The following CPXM2 variants were observed in gnomAD, a reference collection of about 807,000 sequenced individuals.
CPXM2 encodes inactive carboxypeptidase-like protein X2.
CPXM2 carries 66 observed loss-of-function variants against 86.1 expected under a neutral mutation model. That is an observed-to-expected ratio of 0.77 (90% CI 0.63 to 0.94). CPXM2 has a LOEUF of 0.94. Among genes scored for constraint, CPXM2 ranks in the 40% least tolerant of loss-of-function variants. The probability of loss-of-function intolerance (pLI) is 0.00; values close to 1 mark genes in which losing one functional copy is unlikely to be tolerated. For synonymous variants in CPXM2, 388 were observed against 400.2 expected, an observed-to-expected ratio of 0.97 and a Z score of 0.36; for missense variants, 948 against 1,026.3, an observed-to-expected ratio of 0.92 and a Z score of 1.04.
At chr10:123,807,758 T>C (rs1847611000) in intron 4 of CPXM2, among the ~76,000 whole-genome samples, 1 of 152,182 alleles carries the variant, frequency 6.6e-6, no homozygotes, top group Non-Finnish European at 1.5e-5. Context: ...GGCAAATCCA[T>C]TGTTATTAAA....
At chr10:123,761,597 G>C (rs550398722) in intron 11 of CPXM2, among the ~76,000 whole-genome samples, 1 of 152,346 alleles carries the variant, frequency 6.6e-6, no homozygotes, top group African/African-American at 2.4e-5. Flanking sequence ...CACGGAGTCA[G>C]AGACCCCAGC....
intron 2 of CPXM2, among the ~76,000 whole-genome samples, chr10:123,877,083 A>AG (rs1401944721): frequency 6.6e-6 from 1 of 152,232 alleles, no homozygotes; most frequent in Non-Finnish European, 1.5e-5. Context: ...CATGTAAAAA[A>AG]CAAGCCCTCA....
intron 4 of CPXM2, among the ~76,000 whole-genome samples, chr10:123,827,404 A>G (rs540155890): frequency 3.5e-4 from 54 of 152,356 alleles, no homozygotes; most frequent in Non-Finnish European, 6.8e-4. Context: ...ATGTGTGAAT[A>G]GTGATGCAAA....
chr10:123,911,673 G>T (rs1945489370), intron 2 of CPXM2, among the ~76,000 whole-genome samples: 6 of 151,964 alleles, frequency 3.9e-5, no homozygotes, highest in Admixed American at 3.9e-4. Context: ...CAGAGGCATG[G>T]CAAGAGATGA....
intron 6 of CPXM2, among the ~76,000 whole-genome samples, chr10:123,797,536 A>AT (rs1564774107): frequency 1.3e-5 from 2 of 151,998 alleles, no homozygotes; most frequent in Admixed American, 6.6e-5. Flanking sequence ...ATAGACATGT[A>AT]TTTTTTTACA....
At chr10:123,775,949 A>G (rs557358333) in intron 7 of CPXM2, among the ~76,000 whole-genome samples, 8 of 152,184 alleles carry the variant, frequency 5.3e-5, no homozygotes, top group Non-Finnish European at 1.2e-4. Context: ...AAAGGAATAC[A>G]TTTCTTCTTG....
intron 6 of CPXM2, among the ~76,000 whole-genome samples, chr10:123,797,051 G>C (rs1477114528): frequency 1.3e-5 from 2 of 152,260 alleles, no homozygotes; most frequent in East Asian, 1.9e-4. Flanking sequence ...GGCTGAGACA[G>C]AGCAGCCTGT....
intron 4 of CPXM2, among the ~76,000 whole-genome samples, chr10:123,830,864 C>CTG (rs1296163012): frequency 1.0e-5 from 1 of 97,974 alleles, no homozygotes; most frequent in African/African-American, 3.9e-5. Flanking sequence ...CTCTCTCTCT[C>CTG]TCTCTCTCTG....
intron 4 of CPXM2, among the ~76,000 whole-genome samples, chr10:123,800,303 C>T (rs1406341662): frequency 1.3e-5 from 2 of 152,158 alleles, no homozygotes; most frequent in Non-Finnish European, 2.9e-5. Flanking sequence ...TTCTTCTCCT[C>T]TCTCCTCCCC....
intron 1 of CPXM2, among the ~76,000 whole-genome samples, chr10:123,882,166 C>G (rs948648926): frequency 6.6e-6 from 1 of 152,168 alleles, no homozygotes; most frequent in African/African-American, 2.4e-5. Flanking sequence ...CAAAGGAAAC[C>G]CCCCTTTTTG....
chr10:123,915,654 C>T (rs558100394), intron 2 of CPXM2, among the ~76,000 whole-genome samples: 3 of 152,298 alleles, frequency 2.0e-5, no homozygotes, highest in South Asian at 2.1e-4. Context: ...TAGTTTGTTG[C>T]CTTGTATGAT....
intron 4 of CPXM2, among the ~76,000 whole-genome samples, chr10:123,818,201 T>C (rs1461377221): frequency 6.6e-6 from 1 of 152,194 alleles, no homozygotes; most frequent in African/African-American, 2.4e-5. Flanking sequence ...ACCCATTCTG[T>C]GGACATCACT....
chr10:123,773,522 T>C (rs1846707096), intron 7 of CPXM2, among the ~76,000 whole-genome samples: 1 of 152,362 alleles, frequency 6.6e-6, no homozygotes, highest in Non-Finnish European at 1.5e-5. Flanking sequence ...GACTCAGCCT[T>C]TTATCTTTTA....
intron 6 of CPXM2, among the ~76,000 whole-genome samples, chr10:123,795,691 A>C (rs1171455974): frequency 6.6e-6 from 1 of 151,980 alleles, no homozygotes; most frequent in East Asian, 1.9e-4. Flanking sequence ...CAAACTGCTA[A>C]GTAACTTCTA....
intron 4 of CPXM2, among the ~76,000 whole-genome samples, chr10:123,835,387 C>A (rs1043921076): frequency 6.6e-6 from 1 of 152,194 alleles, no homozygotes. Context: ...CCCAGAAAGC[C>A]AAGAACGAGC....
At chr10:123,765,475 G>A (rs760723623) in intron 10 of CPXM2, among the ~76,000 whole-genome samples, 7 of 152,332 alleles carry the variant, frequency 4.6e-5, no homozygotes, top group Middle Eastern at 3.4e-3. Context: ...TAAGAAAGCT[G>A]GCAACCAAAT....
intron 4 of CPXM2, among the ~76,000 whole-genome samples, chr10:123,806,279 T>G (rs2134083196): frequency 6.6e-6 from 1 of 152,322 alleles, no homozygotes; most frequent in South Asian, 2.1e-4. Context: ...TTTCAGCACT[T>G]AAAAATTTTG....
intron 7 of CPXM2, chr10:123,776,577 C>T (rs933016778): frequency 1.7e-4 from 26 of 152,196 alleles, no homozygotes; most frequent in Non-Finnish European, 1.5e-5. Context: ...AATCCAAATG[C>T]TCCAGAGCAG....
intron 2 of CPXM2, among the ~76,000 whole-genome samples, chr10:123,868,581 A>C (rs113752725): frequency 8.0e-4 from 122 of 152,270 alleles, no homozygotes; most frequent in African/African-American, 2.9e-3. Context: ...TAAGGGCTGA[A>C]GGAAAAGAAA....
Sources: allele counts gnomAD v4.1 joint callset (sites outside exome capture counted in the v4.1 genomes callset), GRCh38; gene constraint gnomAD v4.1.1; transcripts MANE v1.5; gene names NCBI Gene and HGNC (gene_info 2026-07-23, HGNC 2026-07-21).